Variants in KYNU observed in about 807,000 individuals in gnomAD.
The protein encoded by KYNU is L-kynurenine hydrolase.
A neutral mutation model predicts 59.2 loss-of-function variants in KYNU; 54 were observed. The observed-to-expected ratio is 0.91, with a 90% CI of 0.73 to 1.14. The LOEUF is 1.14. Among genes scored for constraint, KYNU ranks in the 50% most tolerant of loss-of-function variants. KYNU has a pLI of 0.00. For missense variants in KYNU, 567 were observed against 554.4 expected (o/e 1.02, Z -0.23); for synonymous variants, 177 against 192.0 (o/e 0.92, Z 0.65).
intron 7 of KYNU, among the ~76,000 whole-genome samples, chr2:142,959,976 G>A (rs1231840722): frequency 6.6e-6 from 1 of 152,044 alleles, no homozygotes; most frequent in African/African-American, 2.4e-5. Flanking sequence ...ACCCAGGCTG[G>A]AGTGCAGTGG....
At chr2:142,945,140 T>A (rs1272423287) in intron 4 of KYNU, among the ~76,000 whole-genome samples, 1 of 152,226 alleles carries the variant, frequency 6.6e-6, no homozygotes, top group Admixed American at 6.5e-5. Flanking sequence ...TTTCTTAAAA[T>A]AAGATAGCAA....
chr2:143,031,559 A>G (rs1166812085), intron 11 of KYNU, among the ~76,000 whole-genome samples: 1 of 152,106 alleles, frequency 6.6e-6, no homozygotes. Flanking sequence ...CCTTGTCTCT[A>G]TAAAAACTAC....
intron 8 of KYNU, among the ~76,000 whole-genome samples, chr2:142,967,009 T>G (rs559106321): frequency 2.0e-4 from 30 of 151,850 alleles, no homozygotes; most frequent in Non-Finnish European, 3.5e-4. Flanking sequence ...ATCTAAGCAG[T>G]TTGGCCAGGA....
chr2:142,887,553 C>T (rs903951937), intron 2 of KYNU, among the ~76,000 whole-genome samples: 12 of 152,146 alleles, frequency 7.9e-5, no homozygotes, highest in Admixed American at 2.0e-4. Context: ...ATTAACCCAT[C>T]ATCAATAGAT....
chr2:142,879,381 A>C (rs1219001158), intron 1 of KYNU: 1 of 152,232 alleles, frequency 6.6e-6, no homozygotes, highest in African/African-American at 2.4e-5. Flanking sequence ...AGCCACTTTA[A>C]CTTTTGCCTG....
At chr2:142,917,258 G>A (rs78116293) in intron 2 of KYNU, among the ~76,000 whole-genome samples, 1,541 of 152,228 alleles carry the variant, frequency 0.01, 21 homozygotes, top group African/African-American at 0.036. Context: ...GAATCCACAC[G>A]ACATTGAGTT....
intron 2 of KYNU, among the ~76,000 whole-genome samples, chr2:142,918,085 T>C (rs1204318162): frequency 6.6e-6 from 1 of 152,178 alleles, no homozygotes; most frequent in Non-Finnish European, 1.5e-5. Flanking sequence ...TGCCTATACA[T>C]GTGTTAGTAC....
At chr2:142,942,990 C>T (rs532663735) in intron 4 of KYNU, among the ~76,000 whole-genome samples, 2 of 152,256 alleles carry the variant, frequency 1.3e-5, no homozygotes, top group African/African-American at 4.8e-5. Context: ...TAAAAATTGG[C>T]CATTTTGCCT....
chr2:142,928,482 A>C (rs1683109330), intron 4 of KYNU, among the ~76,000 whole-genome samples: 2 of 152,168 alleles, frequency 1.3e-5, no homozygotes, highest in Non-Finnish European at 2.9e-5. Context: ...ATTCTCTTAT[A>C]AGCAAACATA....
intron 10 of KYNU, among the ~76,000 whole-genome samples, chr2:143,012,614 A>G (rs1686141574): frequency 6.6e-6 from 1 of 152,202 alleles, no homozygotes; most frequent in African/African-American, 2.4e-5. Flanking sequence ...GGTCTATAAC[A>G]TGATGTATGG....
chr2:142,990,715 T>C (rs1685375210), intron 10 of KYNU, among the ~76,000 whole-genome samples: 1 of 151,916 alleles, frequency 6.6e-6, no homozygotes, highest in Admixed American at 6.6e-5. Context: ...GGGATACTTT[T>C]CTTCTGAGCT....
At chr2:142,883,979 C>T (rs1012749058) in intron 1 of KYNU, among the ~76,000 whole-genome samples, 1 of 152,152 alleles carries the variant, frequency 6.6e-6, no homozygotes, top group African/African-American at 2.4e-5. Flanking sequence ...GTAAATCTAA[C>T]TAGCCCAAAG....
intron 4 of KYNU, among the ~76,000 whole-genome samples, chr2:142,939,447 C>T (rs940934784): frequency 1.3e-5 from 2 of 151,160 alleles, no homozygotes; most frequent in Admixed American, 6.6e-5. Context: ...ACTAAAAATA[C>T]AAAAATTAGC....
At chr2:142,949,247 G>A (rs1332148971) in intron 4 of KYNU, among the ~76,000 whole-genome samples, 4 of 152,166 alleles carry the variant, frequency 2.6e-5, no homozygotes, top group Non-Finnish European at 4.4e-5. Context: ...GGCGCATGGT[G>A]CAAGCTGTCA....
At chr2:142,972,914 A>C (rs1478284195) in intron 8 of KYNU, among the ~76,000 whole-genome samples, 1 of 149,944 alleles carries the variant, frequency 6.7e-6, no homozygotes, top group African/African-American at 2.4e-5. Flanking sequence ...TATGTAGACT[A>C]TAGAGACAGA....
chr2:142,937,993 G>A (rs114248071), intron 4 of KYNU, among the ~76,000 whole-genome samples: 161 of 152,226 alleles, frequency 1.1e-3, no homozygotes, highest in African/African-American at 3.7e-3. Context: ...AAAACCCACC[G>A]GAAAATAGCA....
intron 1 of KYNU, chr2:142,879,398 A>T (rs1681213929): frequency 6.6e-6 from 1 of 152,210 alleles, no homozygotes; most frequent in South Asian, 2.1e-4. Context: ...CCTGGCTGAA[A>T]CTGGACTGGG....
intron 4 of KYNU, among the ~76,000 whole-genome samples, chr2:142,939,392 A>C (rs1683503504): frequency 6.6e-6 from 1 of 152,100 alleles, no homozygotes; most frequent in Admixed American, 6.5e-5. Context: ...TCACAAGGTC[A>C]GGAGTTCGAG....
chr2:142,884,358 G>T (rs1487958956), intron 1 of KYNU, among the ~76,000 whole-genome samples: 2 of 152,176 alleles, frequency 1.3e-5, no homozygotes, highest in Non-Finnish European at 2.9e-5. Context: ...ATTTTGTTCA[G>T]GTTCAATATG....
Sources: gnomAD v4.1 joint callset for allele counts (sites outside exome capture counted in the v4.1 genomes callset) on GRCh38, gnomAD v4.1.1 for gene constraint, MANE v1.5 for transcripts, NCBI Gene and HGNC (gene_info 2026-07-23, HGNC 2026-07-21) for gene names.